The following AZIN2 variants were observed in gnomAD, a reference collection of about 807,000 sequenced individuals.
AZIN2 encodes the protein ODC antizyme inhibitor-2.
Under a neutral mutation model 47.8 loss-of-function variants are expected in AZIN2, and 28 were observed. The ratio of observed to expected loss-of-function variants is 0.59; its 90% confidence interval spans 0.43 to 0.80. The LOEUF (loss-of-function observed/expected upper bound fraction) is 0.80. Ranked by LOEUF, AZIN2 falls within the 30% of genes least tolerant of loss-of-function variation. The pLI is 0.00. For synonymous variants in AZIN2, 221 were observed against 239.4 expected (o/e 0.92, Z 0.71); for missense variants, 535 against 582.5 (o/e 0.92, Z 0.84).
chr1:33,094,700 TGAGATTTGAA>T lies in AZIN2; in HGVS notation c.744_753del (p.Phe249LeufsTer4), dbSNP rs773593205. On this transcript the variant is annotated frameshift_variant, in exon 8 of 12. Coordinates refer to ENST00000294517, the MANE Select transcript of AZIN2 (RefSeq NM_052998.4). LOFTEE classifies it high-confidence loss of function. ...TTCCCTGGCACAGAAGGGGCCAAAG[TGAGATTTGAA>T]GAGGTAACCCTGGAGCTGGGAGTGT... is the stretch of plus-strand genomic sequence containing the variant. 1 of 1,613,652 alleles carries T rather than the reference TGAGATTTGAA, an allele frequency of 6.2e-7. No individual in the cohort carries two copies. Among genetic ancestry groups the T allele is most frequent in the Non-Finnish European group, 8.5e-7 (1 of 1,179,732 alleles).
chr1:33,098,912 C>T (rs369701722), intron 10 of AZIN2, among the ~76,000 whole-genome samples: 4 of 152,106 alleles, frequency 2.6e-5, no homozygotes, highest in South Asian at 4.1e-4. Context: ...TATAGGCACC[C>T]GCCACCATGC....
chr1:33,139,209 A>G, the AZIN2 span, among the ~76,000 whole-genome samples: 1 of 152,004 alleles, frequency 6.6e-6, no homozygotes, highest in African/African-American at 2.4e-5. Context: ...TGTCGGGGGA[A>G]TGATCAGTGA....
rs779998952 is a variant in AZIN2, at chr1:33,082,270, A to G, written c.21A>G (p.Glu7=). ...AAGGCATGGCTGGCTACCTGAGTGA[A>G]TCGGACTTTGTGATGGTGGAGGAGG... MAGYLS[E]SDFVMVEEGF... Residue 7 remains glutamate, a synonymous_variant, in exon 4 of 12, where the codon GAA becomes GAG. Transcript: ENST00000294517. 6.2e-7 allele frequency: 1 copy of G among 1,614,010 alleles called. No homozygotes were observed. Among genetic ancestry groups the G allele is most frequent in the Non-Finnish European group, 8.5e-7 (1 of 1,179,964 alleles).
chr1:33,158,173 A>C, the AZIN2 span: 1 of 1,316,456 alleles, frequency 7.6e-7, no homozygotes, highest in South Asian at 1.2e-5. Context: ...CAACTGCCCC[A>C]TGCTGTGTTT....
intron 6 of AZIN2, among the ~76,000 whole-genome samples, 194 bp from the exon 7 acceptor site, chr1:33,093,088 T>A (rs1054034862): frequency 6.6e-5 from 10 of 152,090 alleles, no homozygotes; most frequent in African/African-American, 2.4e-4. Flanking sequence ...GCTGCAGGAA[T>A]GGGTCAGGGA....
chr1:33,104,130 G>T (rs557168700), intron 10 of AZIN2, among the ~76,000 whole-genome samples: 3 of 152,082 alleles, frequency 2.0e-5, no homozygotes, highest in African/African-American at 7.2e-5. Flanking sequence ...TGATCTGCCC[G>T]CCTCGGCCTC....
intron 10 of AZIN2, among the ~76,000 whole-genome samples, chr1:33,117,657 C>T (rs1644612962): frequency 6.6e-6 from 1 of 152,182 alleles, no homozygotes. Context: ...AGAGATTAAG[C>T]ATTTTGCCCA....
chr1:33,158,226 T>C, the AZIN2 span: 1 of 1,602,348 alleles, frequency 6.2e-7, no homozygotes, highest in Admixed American at 1.7e-5. Flanking sequence ...CCCACCTAGC[T>C]CTGGACCATG....
In AZIN2 at chr1:33,081,391, A is replaced by C. The variant is rs1641232086; in HGVS notation, c.-402A>C. The C allele has an allele frequency of 1.3e-5, 2 of 152,894 alleles. No individual in the cohort carries two copies. Among genetic ancestry groups the C allele is most frequent in the African/African-American group, 2.4e-5 (1 of 41,444 alleles). 9.5% of individuals were successfully genotyped at this position (152,894 alleles called of 1,614,324 possible). A position where few individuals can be genotyped will look rare whatever the true frequency, so the allele number is the denominator to read the frequency against. On this transcript the variant is annotated 5_prime_UTR_variant, in exon 2 of 12. Coordinates refer to ENST00000294517, the MANE Select transcript of AZIN2 (RefSeq NM_052998.4). This position sits in a 1 kb window ranked among gnomAD's most constrained non-coding sequence, Gnocchi z 4.2. ...TGCCCCTTCTGCCTCCTGTCAGCAG[A>C]GGCCTCGGCTCCGCAACTGCCACTC...
At chr1:33,132,985 C>T in the AZIN2 span, among the ~76,000 whole-genome samples, 1 of 152,246 alleles carries the variant, frequency 6.6e-6, no homozygotes, top group Non-Finnish European at 1.5e-5. Flanking sequence ...TGATAAGCCA[C>T]ACCTCAGCTG....
intron 5 of AZIN2, among the ~76,000 whole-genome samples, chr1:33,086,594 A>G (rs905108343): frequency 6.6e-6 from 1 of 152,326 alleles, no homozygotes; most frequent in East Asian, 1.9e-4. Context: ...CTTAGTGGAC[A>G]CTGACCAAGG....
At chr1:33,165,743 C>T in the AZIN2 span, 7 of 456,262 alleles carry the variant, frequency 1.5e-5, no homozygotes, top group East Asian at 2.4e-4. This position sits in a 1 kb window ranked among gnomAD's most constrained non-coding sequence, Gnocchi z 4.0. Context: ...CTAAACACCT[C>T]CAGAACCCGT....
At chr1:33,136,113 CCCTTCCTTCCTTCCTTCCTT>C in the AZIN2 span, among the ~76,000 whole-genome samples, 209 of 103,568 alleles carry the variant, frequency 2.0e-3, 2 homozygotes, top group African/African-American at 4.4e-3. Context: ...CAGGGGCCAG[CCCTTCCTTCCTTCCTTCCTT>C]CCTTCCTTCC....
chr1:33,125,246 T>C (rs116384790), downstream of AZIN2, among the ~76,000 whole-genome samples: 1,568 of 152,322 alleles, frequency 0.01, 25 homozygotes, highest in African/African-American at 0.036. Flanking sequence ...CTTTGCTCCA[T>C]TTTAAACCCT....
intron 10 of AZIN2, among the ~76,000 whole-genome samples, chr1:33,108,557 G>C (rs1570137785): frequency 6.6e-6 from 1 of 152,196 alleles, no homozygotes; most frequent in Middle Eastern, 3.4e-3. Flanking sequence ...TGGCCAAGCT[G>C]GTCTTGAACA....
chr1:33,099,805 G>A (rs371239902), intron 10 of AZIN2, among the ~76,000 whole-genome samples: 11 of 152,296 alleles, frequency 7.2e-5, no homozygotes, highest in Admixed American at 6.5e-4. Context: ...TCCAGAGTGG[G>A]GCCCACAGCC....
chr1:33,128,001 A>G (rs746846550), downstream of AZIN2, among the ~76,000 whole-genome samples: 2 of 152,138 alleles, frequency 1.3e-5, no homozygotes, highest in Non-Finnish European at 1.5e-5. Context: ...ACTCTCTGCC[A>G]CAGTTTCTGA....
At position 33,092,171 on chromosome 1, in the gene AZIN2, T is replaced by C; in HGVS notation, c.401T>C (p.Phe134Ser). ...AAKHGIQLLS[F>S]DNEMELAKVV... ...AAGCATGGGATCCAGCTGCTGAGCTTTGACAATGAGATGGAGCTGGCAAAG... is the reference window on the plus strand; with the variant it reads ...AAGCATGGGATCCAGCTGCTGAGCTCTGACAATGAGATGGAGCTGGCAAAG... The change falls in exon 6 of 12, where the codon TTT becomes TCT. Residue 134 changes from phenylalanine (F) to serine (S), a missense_variant. Coordinates refer to ENST00000294517, the MANE Select transcript of AZIN2 (RefSeq NM_052998.4). 6.2e-7 allele frequency: 1 copy of C among 1,614,154 alleles called. No homozygotes were observed.
intron 10 of AZIN2, among the ~76,000 whole-genome samples, chr1:33,108,002 A>T (rs1644098650): frequency 6.6e-6 from 1 of 152,222 alleles, no homozygotes; most frequent in Admixed American, 6.5e-5. Context: ...ACCACAAAAC[A>T]TCCTAAATAG....
Sources: gnomAD v4.1 joint callset for allele counts (sites outside exome capture counted in the v4.1 genomes callset) on GRCh38, gnomAD v4.1.1 for gene constraint, Gnocchi (gnomAD v3.1) non-coding constraint, MANE v1.5 for transcripts, NCBI Gene and HGNC (gene_info 2026-07-23, HGNC 2026-07-21) for gene names.